Variants in HSPD1 observed in about 807,000 individuals in gnomAD.
The protein encoded by HSPD1 is heat shock protein family D (Hsp60) member 1, also known as 60 kDa heat shock protein, mitochondrial.
In HSPD1, 3 loss-of-function variants were observed where a neutral mutation model predicts 53.0. The ratio of observed to expected loss-of-function variants is 0.06; its 90% CI spans 0.03 to 0.15. HSPD1 has a LOEUF of 0.15. Among genes scored for constraint, HSPD1 ranks in the 10% least tolerant of loss-of-function variants. HSPD1 has a pLI of 1.00. For missense variants in HSPD1, 431 were observed against 694.1 expected (o/e 0.62, Z 4.26); for synonymous variants, 200 against 228.0 (o/e 0.88, Z 1.10).
chr2:197,490,148 A>G, intron 8 of HSPD1, 49 bp downstream of exon 8: 1 of 1,255,608 alleles, frequency 8.0e-7, no homozygotes, highest in Non-Finnish European at 1.2e-6. Flanking sequence ...TATAAATTCC[A>G]GACAAGTATA....
chr2:197,493,334 C>T lies in HSPD1; in HGVS notation c.859G>A (p.Val287Ile), dbSNP rs886055387. The T allele has an allele frequency of 6.2e-7, 1 of 1,612,774 alleles. No homozygotes were observed. Among genetic ancestry groups the T allele is most frequent in the Non-Finnish European group, 8.5e-7 (1 of 1,179,120 alleles). The change falls in exon 7 of 12, where the codon GTC (valine) becomes ATC (isoleucine). Residue 287 changes from valine (V) to isoleucine (I), a missense_variant. By Grantham distance (29) the Val-to-Ile change is conservative. Transcript: ENST00000388968. ...ACCACTGCTTATTACCTATTCAAGA[C>T]GAGTGTACTTAGAGCTTCTCCATCA... Reference protein sequence around the residue: ...DVDGEALSTLVLNRLKVGLQV... With the variant: ...DVDGEALSTLILNRLKVGLQV...
intron 5 of HSPD1, 25 bp downstream of exon 5, chr2:197,494,632 T>A: frequency 7.1e-7 from 1 of 1,413,140 alleles, no homozygotes; most frequent in Non-Finnish European, 1.0e-6. Context: ...CTCAAAATTA[T>A]CTTTAAAAAT....
intron 7 of HSPD1, among the ~76,000 whole-genome samples, chr2:197,492,906 A>G (rs1270531783): frequency 6.6e-6 from 1 of 151,662 alleles, no homozygotes; most frequent in Admixed American, 6.6e-5. Context: ...GCTGCTTGGG[A>G]GGCTGAGGCA....
intron 3 of HSPD1, 127 bp from the exon 4 acceptor site, chr2:197,495,503 TG>T (rs1442247946): frequency 1.2e-5 from 8 of 662,292 alleles, no homozygotes; most frequent in South Asian, 5.3e-5. Context: ...TTTTTTTTTT[TG>T]AGACAGGGTC....
At chr2:197,494,849 C>CT in intron 4 of HSPD1, 97 bp from the exon 5 acceptor site, 1 of 811,628 alleles carries the variant, frequency 1.2e-6, no homozygotes, top group Non-Finnish European at 2.2e-6. Flanking sequence ...ATTGATACTT[C>CT]CATCCAGGGG....
rs1394085265 is a variant in HSPD1 at position 197,489,068 on chromosome 2, A to G, written c.1149T>C (p.Ser383=). 1 of 1,613,690 alleles carries G rather than the reference A, an allele frequency of 6.2e-7. No homozygotes were observed. Among genetic ancestry groups the G allele is most frequent in the South Asian group, 1.1e-5 (1 of 91,056 alleles). ...EIIEQLDVTT[S]EYEKEKLNER... ...CATTCAGTTTTTCCTTTTCATATTC[A>G]CTAGTTGTGACATCTAACTGCTCAA... The change falls in exon 9 of 12, where the codon AGT becomes AGC. Residue 383 remains serine (S), a synonymous_variant. Transcript: ENST00000388968.
intron 4 of HSPD1, chr2:197,495,069 C>A: frequency 1.7e-6 from 1 of 603,732 alleles, no homozygotes; most frequent in Middle Eastern, 4.5e-4. Context: ...TCATATGAAT[C>A]CATTTTACAG....
chr2:197,494,636 T>C, intron 5 of HSPD1, 21 bp downstream of exon 5: 1 of 1,466,450 alleles, frequency 6.8e-7, no homozygotes, highest in South Asian at 1.1e-5. Flanking sequence ...AAATTATCTT[T>C]AAAAATACAA....
chr2:197,495,530 G>C (rs1238401506), intron 3 of HSPD1, among the ~76,000 whole-genome samples, 154 bp from the exon 4 acceptor site: 1 of 151,340 alleles, frequency 6.6e-6, no homozygotes, highest in Non-Finnish European at 1.5e-5. Context: ...CTGCTGCCCA[G>C]GCTAGAGTGC....
At chr2:197,491,960 T>C (rs2086098267) in intron 7 of HSPD1, among the ~76,000 whole-genome samples, 1 of 151,952 alleles carries the variant, frequency 6.6e-6, no homozygotes, top group African/African-American at 2.4e-5. Flanking sequence ...CTAGGCAACA[T>C]ATTGAGGCAA....
intron 6 of HSPD1, among the ~76,000 whole-genome samples, chr2:197,493,719 C>T (rs969543222): frequency 6.6e-6 from 1 of 152,170 alleles, no homozygotes; most frequent in African/African-American, 2.4e-5. Context: ...ATTTTAAAAA[C>T]TTCAGGAGGC....
In HSPD1 at chr2:197,499,799, G is replaced by A. The variant is rs563816458; in HGVS notation, c.-20C>T. The A allele has an allele frequency of 1.3e-5, 2 of 152,304 alleles. No homozygotes were observed. The highest frequency in any genetic ancestry group is 4.8e-5 in the African/African-American group (2 of 41,472). The allele number at this position is 152,304 out of a possible 1,614,324, so 9.4% of individuals were successfully genotyped here. On this transcript the variant is annotated 5_prime_UTR_variant, in exon 1 of 12. Transcript: ENST00000388968. The stretch of plus-strand genomic sequence containing the variant: ...CCGCGTACCTGCGGGGCGGCGGCAA[G>A]GCGTGCGCTCGGCGAGACAGGTCGT...
rs2086052984 is a variant in HSPD1 at position 197,488,465 on chromosome 2, C to T, written c.1242G>A (p.Val414=). 1.2e-6 allele frequency: 2 copies of T among 1,613,870 alleles called. No homozygotes were observed. The highest frequency in any genetic ancestry group is 1.7e-6 in the Non-Finnish European group (2 of 1,179,848). Residue 414 remains valine (V), a synonymous_variant, in exon 10 of 12, where the codon GTG becomes GTA. Coordinates refer to ENST00000388968, the MANE Select transcript of HSPD1 (RefSeq NM_002156.5). The stretch of plus-strand genomic sequence containing the variant: ...CTGTAACTCTGTCTTTCTTTTCATT[C>T]ACTTCAACATCACTTGTCCCACCAA... ...LKVGGTSDVE[V]NEKKDRVTDA...
chr2:197,487,878 C>G lies in HSPD1; in HGVS notation c.1549G>C (p.Gly517Arg). 6.2e-7 allele frequency: 1 copy of G among 1,613,602 alleles called. No individual in the cohort carries two copies. The highest frequency in any genetic ancestry group is 8.5e-7 in the Non-Finnish European group (1 of 1,179,616). Residue 517 changes from glycine to arginine, a missense_variant, in exon 11 of 12, where the codon GGA (glycine) becomes CGA (arginine). Gly to Arg is a moderately radical substitution (Grantham distance 125). Transcript: ENST00000388968. ...AGDFVNMVEK[G>R]IIDPTKVVRT... ...TTTACCTTTGTTGGGTCAATGATTC[C>G]TTTTTCCACCATATTCACAAAATCT...
Position 197,494,959 on chromosome 2 carries a change from C to T in HSPD1, c.511-207G>A, listed in dbSNP as rs1174265018. On this transcript the variant is annotated intron_variant, in intron 4 of 11. Coordinates refer to ENST00000388968, the MANE Select transcript of HSPD1 (RefSeq NM_002156.5). ...CTACATTGTTTTGAAGAATATGATA[C>T]ATAAAACTATTCTTGTAACAAAAAG... 1.5e-5 allele frequency: 9 copies of T among 608,512 alleles called. No individual in the cohort carries two copies. The East Asian group carries it at 2.5e-4, about 17-fold the overall frequency. The allele number at this position is 608,512 out of a possible 1,614,324, so 37.7% of individuals were successfully genotyped here.
chr2:197,497,189 T>C lies in HSPD1; in HGVS notation c.378A>G (p.Glu126=). The part of the protein sequence containing the change: ...ATVLARSIAK[E]GFEKISKGAN... ...CACCTTTGCTAATCTTCTCGAAGCC[T>C]TCCTTGGCTATAGAGCGTGCCAGTA... is the stretch of plus-strand genomic sequence containing the variant. The change falls in exon 3 of 12, where the codon GAA becomes GAG. Residue 126 remains glutamate, a synonymous_variant. Coordinates refer to ENST00000388968, the MANE Select transcript of HSPD1 (RefSeq NM_002156.5). The C allele has an allele frequency of 6.2e-7, 1 of 1,614,144 alleles. No individual in the cohort carries two copies. Among genetic ancestry groups the C allele is most frequent in the Non-Finnish European group, 8.5e-7 (1 of 1,179,930 alleles).
chr2:197,497,270 T>C lies in HSPD1; in HGVS notation c.297A>G (p.Gln99=), dbSNP rs754986848. ...KYKNIGAKLV[Q]DVANNTNEEA... ...CTTCATTTGTGTTATTGGCAACATC[T>C]TGAACAAGTTTAGCTCCAATGTTTT... is the stretch of plus-strand genomic sequence containing the variant. Residue 99 remains glutamine, a synonymous_variant, in exon 3 of 12, where the codon CAA becomes CAG. Coordinates refer to ENST00000388968, the MANE Select transcript of HSPD1 (RefSeq NM_002156.5). The C allele has an allele frequency of 1.2e-6, 2 of 1,614,126 alleles. No individual in the cohort carries two copies. The highest frequency in any genetic ancestry group is 1.1e-5 in the South Asian group (1 of 91,076).
At chr2:197,498,090 G>A (rs754039468) in intron 2 of HSPD1, among the ~76,000 whole-genome samples, 3 of 152,184 alleles carry the variant, frequency 2.0e-5, no homozygotes, top group Non-Finnish European at 4.4e-5. Context: ...GGTAAAACTA[G>A]CATCTTGGGG....
Position 197,490,295 on chromosome 2 carries a change from G to C in HSPD1, c.871C>G (p.Leu291Val), listed in dbSNP as rs139649754. Residue 291 changes from leucine (L) to valine (V), a missense_variant and splice_region_variant, in exon 8 of 12, where the codon CTA (leucine) becomes GTA (valine). Transcript: ENST00000388968. Reference protein sequence around the residue: ...EALSTLVLNRLKVGLQVVAVK... With the variant: ...EALSTLVLNRVKVGLQVVAVK... ...GCCACAACCTGAAGACCAACCTTTA[G>C]CCTGTTAAGAATAGTTGATAGTAAG... 76 of 1,610,594 alleles carry C rather than the reference G, an allele frequency of 4.7e-5. 1 individual carries two copies. The African/African-American group carries it at 9.6e-4, about 20-fold the overall frequency.
Sources: gnomAD v4.1 joint callset for allele counts (sites outside exome capture counted in the v4.1 genomes callset) on GRCh38, gnomAD v4.1.1 for gene constraint, MANE v1.5 for transcripts, NCBI Gene and HGNC (gene_info 2026-07-23, HGNC 2026-07-21) for gene names.